Variants in FHIT observed in about 807,000 individuals in gnomAD.
FHIT encodes the protein fragile histidine triad diadenosine triphosphatase.
Under a neutral mutation model 17.9 loss-of-function variants are expected in FHIT, and 19 were observed. That is an observed-to-expected ratio of 1.06 (90% CI 0.74 to 1.56). FHIT has a LOEUF of 1.56. Ranked by LOEUF, FHIT falls within the 40% of genes most tolerant of loss-of-function variation. FHIT has a pLI of 0.00. For missense variants in FHIT, 248 were observed against 189.2 expected, an observed-to-expected ratio of 1.31 and a Z score of -1.82; for synonymous variants, 81 against 69.7, an observed-to-expected ratio of 1.16 and a Z score of -0.81.
chr3:61,143,305 A>G (rs1203382378), intron 2 of FHIT, among the ~76,000 whole-genome samples: 1 of 152,216 alleles, frequency 6.6e-6, no homozygotes, highest in Non-Finnish European at 1.5e-5. Flanking sequence ...ATAAGTTTCT[A>G]ATGTTTATGT....
intron 7 of FHIT, among the ~76,000 whole-genome samples, chr3:59,940,591 A>T (rs1706466690): frequency 6.6e-6 from 1 of 152,168 alleles, no homozygotes. Context: ...ATCCTTAGGA[A>T]GTGGAGCTTG....
intron 5 of FHIT, among the ~76,000 whole-genome samples, chr3:60,254,027 C>A (rs1465717084): frequency 6.6e-6 from 1 of 152,204 alleles, no homozygotes; most frequent in Non-Finnish European, 1.5e-5. Flanking sequence ...CAATACCCTA[C>A]TTCAACTGTT....
chr3:60,724,817 T>C (rs2107972354), intron 4 of FHIT, among the ~76,000 whole-genome samples: 1 of 152,172 alleles, frequency 6.6e-6, no homozygotes, highest in South Asian at 2.1e-4. Flanking sequence ...CCTGGCTAAT[T>C]TTTGTCATTT....
At chr3:59,839,098 C>T (rs1215589724) in intron 8 of FHIT, among the ~76,000 whole-genome samples, 4 of 152,100 alleles carry the variant, frequency 2.6e-5, no homozygotes, top group African/African-American at 9.7e-5. Context: ...AGGTGGATCA[C>T]TTGAGGTCAG....
intron 5 of FHIT, among the ~76,000 whole-genome samples, chr3:60,495,039 A>G (rs914390064): frequency 6.6e-6 from 1 of 152,174 alleles, no homozygotes; most frequent in African/African-American, 2.4e-5. Flanking sequence ...TTTTCTGAGT[A>G]ACCTCCAAAC....
intron 4 of FHIT, among the ~76,000 whole-genome samples, chr3:60,588,067 A>G (rs897714533): frequency 1.6e-4 from 24 of 151,918 alleles, no homozygotes; most frequent in Non-Finnish European, 1.0e-4. Context: ...CTTAACTCAA[A>G]TGTTCTTTCT....
chr3:60,566,468 A>G (rs1053319278), intron 4 of FHIT, among the ~76,000 whole-genome samples: 2 of 152,168 alleles, frequency 1.3e-5, no homozygotes, highest in Non-Finnish European at 2.9e-5. Flanking sequence ...TCAAAATAAT[A>G]AGAGCTATCT....
chr3:60,825,939 A>C (rs531247714), intron 3 of FHIT, among the ~76,000 whole-genome samples: 10 of 152,286 alleles, frequency 6.6e-5, no homozygotes, highest in African/African-American at 2.4e-4. Flanking sequence ...AGGGAAGGAC[A>C]GGACATTATT....
chr3:61,202,996 T>C (rs9832387), intron 1 of FHIT, among the ~76,000 whole-genome samples: 65,177 of 151,456 alleles, frequency 0.43, 14,357 homozygotes, highest in East Asian at 0.58. Context: ...CTGGCTAATA[T>C]GGTGAAACCC....
At chr3:59,851,127 A>G (rs538074557) in intron 8 of FHIT, among the ~76,000 whole-genome samples, 4 of 152,256 alleles carry the variant, frequency 2.6e-5, no homozygotes, top group Admixed American at 1.3e-4. Flanking sequence ...AACAAGGTCA[A>G]TCTGGCTGAG....
chr3:60,901,151 G>A (rs189549906), intron 3 of FHIT, among the ~76,000 whole-genome samples: 53 of 151,970 alleles, frequency 3.5e-4, no homozygotes, highest in Admixed American at 2.3e-3. Flanking sequence ...ATTTTATTTT[G>A]TTTTTCCTTA....
chr3:60,311,136 G>C (rs1708922801), intron 5 of FHIT, among the ~76,000 whole-genome samples: 2 of 151,990 alleles, frequency 1.3e-5, no homozygotes, highest in Admixed American at 1.3e-4. Flanking sequence ...ATCCAGTATA[G>C]GATCTTATTT....
chr3:60,782,088 C>T (rs1700409561), intron 4 of FHIT, among the ~76,000 whole-genome samples: 1 of 152,118 alleles, frequency 6.6e-6, no homozygotes, highest in Admixed American at 6.6e-5. Context: ...TTAGATTCCA[C>T]TTGTAAGTGA....
At chr3:61,015,334 C>A (rs1037048490) in intron 3 of FHIT, among the ~76,000 whole-genome samples, 1 of 152,112 alleles carries the variant, frequency 6.6e-6, no homozygotes, top group African/African-American at 2.4e-5. Flanking sequence ...TTCTTGCCTT[C>A]AAGAGGTTTT....
intron 8 of FHIT, among the ~76,000 whole-genome samples, chr3:59,866,474 G>A (rs770442722): frequency 6.6e-6 from 1 of 152,154 alleles, no homozygotes; most frequent in Non-Finnish European, 1.5e-5. Flanking sequence ...GGTTGACAAC[G>A]GGGGCATGAC....
intron 4 of FHIT, among the ~76,000 whole-genome samples, chr3:60,741,675 C>T (rs1397815512): frequency 6.6e-6 from 1 of 152,194 alleles, no homozygotes; most frequent in Non-Finnish European, 1.5e-5. Context: ...GCCTGAAATG[C>T]CCTTTCTCCT....
At position 61,007,690 on chromosome 3, in the gene FHIT, T is replaced by A. The variant is rs531419905; in HGVS notation, c.-111+34357A>T. ...GCAAATGCCCTATGCGACTACAGAATGTGTTCCCTACACTTCAGAAGCTGT... is the reference window on the plus strand; with the variant it reads ...GCAAATGCCCTATGCGACTACAGAAAGTGTTCCCTACACTTCAGAAGCTGT... On this transcript the variant is annotated intron_variant, in intron 3 of 9. Coordinates refer to ENST00000492590, the MANE Select transcript of FHIT (RefSeq NM_002012.4). Among the ~76,000 whole-genome samples the A allele has an allele frequency of 6.6e-5, 10 of 152,152 alleles. No homozygotes were observed. In the South Asian group the frequency reaches 1.7e-3, roughly 25 times the overall value.
intron 5 of FHIT, among the ~76,000 whole-genome samples, chr3:60,457,196 G>A (rs1389367564): frequency 1.3e-5 from 2 of 152,174 alleles, no homozygotes; most frequent in Admixed American, 1.3e-4. Flanking sequence ...CAAGGCTACA[G>A]TAACCAAAAC....
intron 8 of FHIT, among the ~76,000 whole-genome samples, chr3:59,837,475 C>G (rs1232946693): frequency 3.3e-5 from 5 of 151,810 alleles, no homozygotes; most frequent in Non-Finnish European, 5.9e-5. Context: ...ACACAATTCC[C>G]CCCACCCCCC....
Sources: allele counts gnomAD v4.1 joint callset (sites outside exome capture counted in the v4.1 genomes callset), GRCh38; gene constraint gnomAD v4.1.1; transcripts MANE v1.5; gene names NCBI Gene and HGNC (gene_info 2026-07-23, HGNC 2026-07-21).